The following ATP8A1 variants were observed in gnomAD, a reference collection of about 807,000 sequenced individuals.
The protein encoded by ATP8A1 is phospholipid-transporting ATPase IA.
In ATP8A1, 90 loss-of-function variants were observed where a neutral mutation model predicts 177.7. The observed-to-expected ratio is 0.51, with a 90% confidence interval of 0.43 to 0.60. ATP8A1 has a LOEUF of 0.60. Ranked by LOEUF, ATP8A1 falls within the 20% of genes least tolerant of loss-of-function variation. ATP8A1 has a pLI of 0.00. For synonymous variants in ATP8A1, 493 were observed against 485.9 expected (o/e 1.01, Z -0.19); for missense variants, 1,072 against 1,392.8 (o/e 0.77, Z 3.67).
At chr4:42,473,313 A>G (rs778261458) in intron 25 of ATP8A1, among the ~76,000 whole-genome samples, 4 of 152,212 alleles carry the variant, frequency 2.6e-5, no homozygotes, top group Non-Finnish European at 1.5e-5. Flanking sequence ...CGGGAGTTAA[A>G]TATTGACAGC....
chr4:42,655,434 T>C lies in ATP8A1; in HGVS notation c.49+1391A>G, dbSNP rs147568422. Among the ~76,000 whole-genome samples the C allele has an allele frequency of 3.1e-3, 471 of 152,314 alleles. 2 individuals carry two copies. Among genetic ancestry groups the C allele is most frequent in the African/African-American group, 0.011 (449 of 41,560 alleles). On this transcript the variant is annotated intron_variant, in intron 1 of 36. Transcript: ENST00000381668. ...TTTCCCACAATATAGGACCCATCAA[T>C]TGCTATTATTTAAAAGAACACCACC...
chr4:42,625,335 T>C (rs759911399), intron 3 of ATP8A1: 1 of 233,206 alleles, frequency 4.3e-6, no homozygotes, highest in Non-Finnish European at 8.3e-6. Context: ...ACTTTTACTA[T>C]GAAAATTAGC....
rs1045066712 is a variant in ATP8A1 at position 42,581,528 on chromosome 4, G to T, written c.834+93C>A. 3.4e-6 allele frequency: 3 copies of T among 877,156 alleles called. No individual in the cohort carries two copies. The African/African-American group carries it at 5.0e-5, about 15-fold the overall frequency. 54.3% of individuals were successfully genotyped at this position (877,156 alleles called of 1,614,324 possible). A position where few individuals can be genotyped will look rare whatever the true frequency, so the allele number is the denominator to read the frequency against. On this transcript the variant is annotated intron_variant, in intron 10 of 36. Coordinates refer to ENST00000381668, the MANE Select transcript of ATP8A1 (RefSeq NM_006095.2). ...TTGGATCAGGAGTCTGTGACAGATG[G>T]TCTCCTATGTTTGGGACCACTGCAC...
chr4:42,472,301 A>C (rs535178001), intron 25 of ATP8A1: 1 of 522,826 alleles, frequency 1.9e-6, no homozygotes, highest in Admixed American at 2.1e-5. Context: ...ATGGAAAGCA[A>C]GGCTGAAACT....
rs748747364 is a variant in ATP8A1, at chr4:42,579,955, C to G, written c.858G>C (p.Lys286Asn). 1 of 1,606,794 alleles carries G rather than the reference C, an allele frequency of 6.2e-7. No homozygotes were observed. Among genetic ancestry groups the G allele is most frequent in the Non-Finnish European group, 8.5e-7 (1 of 1,176,676 alleles). The change falls in exon 11 of 37, where the codon AAG becomes AAC. Residue 286 changes from lysine to asparagine, a missense_variant. Around this residue, in one of 5 missense-constraint regions of ATP8A1, gnomAD observed 344 missense variants for 393.5 expected, o/e 0.87. Coordinates refer to ENST00000381668, the MANE Select transcript of ATP8A1 (RefSeq NM_006095.2). Reference sequence around the variant, plus strand: ...TTGTAATCCGTTCCACATTTGAGAGCTTAAGTGGTGGACTTGTTGAATTCT... The same window carrying G: ...TTGTAATCCGTTCCACATTTGAGAGGTTAAGTGGTGGACTTGTTGAATTCT... ...LMQNSTSPPLKLSNVERITNV... is the reference protein window; with the variant it reads ...LMQNSTSPPLNLSNVERITNV...
chr4:42,520,547 G>A lies in ATP8A1; in HGVS notation c.1947+1613C>T, dbSNP rs535453013. ...ATAAATATGTTAGGAAATGGAGAGC[G>A]AGAAGGTGGAGGGAGTGGGGAGGGA... On this transcript the variant is annotated intron_variant, in intron 22 of 36. Transcript: ENST00000381668. 4.6e-5 allele frequency among the ~76,000 whole-genome samples: 7 copies of A among 152,180 alleles called. No homozygotes were observed. In the South Asian group the frequency reaches 1.2e-3, roughly 27 times the overall value.
At chr4:42,591,555 G>A (rs1734181671) in intron 6 of ATP8A1, among the ~76,000 whole-genome samples, 1 of 152,082 alleles carries the variant, frequency 6.6e-6, no homozygotes, top group South Asian at 2.1e-4. Context: ...TCTAGAGAAT[G>A]CATTGTTTTG....
At chr4:42,574,506 T>TA (rs1459837842) in intron 14 of ATP8A1, 113 bp downstream of exon 14, 83 of 803,610 alleles carry the variant, frequency 1.0e-4, no homozygotes, top group Non-Finnish European at 1.3e-4. Flanking sequence ...CTTTTCAGAC[T>TA]AAAAAAAACC....
intron 24 of ATP8A1, 128 bp from the exon 25 acceptor site, chr4:42,485,796 C>T: frequency 1.3e-6 from 1 of 763,920 alleles, no homozygotes; most frequent in Non-Finnish European, 2.1e-6. Context: ...ATTGCTTTCA[C>T]ATACTTTCAG....
intron 7 of ATP8A1, among the ~76,000 whole-genome samples, chr4:42,589,950 A>G (rs1190868187): frequency 6.6e-6 from 1 of 152,160 alleles, no homozygotes; most frequent in Non-Finnish European, 1.5e-5. Context: ...GGGGTAATAA[A>G]ATAAGCATCG....
chr4:42,438,888 G>A (rs1445989252), intron 33 of ATP8A1, among the ~76,000 whole-genome samples: 1 of 152,134 alleles, frequency 6.6e-6, no homozygotes, highest in African/African-American at 2.4e-5. Context: ...AAAACAAGGA[G>A]TATCTGGCAT....
chr4:42,486,998 C>T (rs1722262807), intron 24 of ATP8A1, among the ~76,000 whole-genome samples: 1 of 152,168 alleles, frequency 6.6e-6, no homozygotes, highest in South Asian at 2.1e-4. Flanking sequence ...AAATAATTTA[C>T]AGGCATTCTT....
At chr4:42,544,082 A>G (rs1728660691) in intron 19 of ATP8A1, 96 bp from the exon 20 acceptor site, 6 of 1,031,442 alleles carry the variant, frequency 5.8e-6, no homozygotes, top group Non-Finnish European at 8.8e-6. Context: ...CACAGTAAAA[A>G]AATAAATCTG....
Position 42,419,731 on chromosome 4 carries a change from C to A in ATP8A1, c.3305+3076G>T, listed in dbSNP as rs185183182. 5.9e-5 allele frequency among the ~76,000 whole-genome samples: 9 copies of A among 152,342 alleles called. No individual in the cohort carries two copies. In the East Asian group the frequency reaches 1.5e-3, roughly 26 times the overall value. ...AAATTTGCTAAGTTTTGGCTGGGTG[C>A]AGTGGCCCACGCCTGTAATCCCAGC... On this transcript the variant is annotated intron_variant, in intron 35 of 36. Coordinates refer to ENST00000381668, the MANE Select transcript of ATP8A1 (RefSeq NM_006095.2).
Position 42,575,687 on chromosome 4 carries a change from G to A in ATP8A1, c.1141C>T (p.His381Tyr). The A allele has an allele frequency of 1.2e-6, 2 of 1,612,986 alleles. No homozygotes were observed. The highest frequency in any genetic ancestry group is 1.7e-6 in the Non-Finnish European group (2 of 1,179,276). ...GCAGCAGTGTCTGTGGGTTCATAGT[G>A]CATGTCAAGATCCTTTAATAAAATT... ...AYFINWDLDMHYEPTDTAAMA... is the reference protein window; with the variant it reads ...AYFINWDLDMYYEPTDTAAMA... The change falls in exon 13 of 37, where the codon CAC becomes TAC. Residue 381 changes from histidine to tyrosine, a missense_variant. By Grantham distance (83) the His-to-Tyr change is moderately conservative (BLOSUM62 2). This residue lies in a region of ATP8A1 where 388 missense variants were observed against 471.7 expected (regional missense o/e 0.82). Transcript: ENST00000381668.
chr4:42,639,342 G>C (rs1188299568), intron 1 of ATP8A1, among the ~76,000 whole-genome samples: 1 of 152,088 alleles, frequency 6.6e-6, no homozygotes, highest in African/African-American at 2.4e-5. Context: ...GAGACCACTC[G>C]ATTTTTCCCC....
In ATP8A1 at chr4:42,575,619, T is replaced by A; in HGVS notation, c.1206+3A>T. 6.2e-7 allele frequency: 1 copy of A among 1,612,888 alleles called. No individual in the cohort carries two copies. Among genetic ancestry groups the A allele is most frequent in the Non-Finnish European group, 8.5e-7 (1 of 1,179,118 alleles). Reference sequence around the variant, plus strand: ...CACATAATCAACAATAAATTGAGTTTACCTGGCCAAGTTCCTCATTCAGAT... The same window carrying A: ...CACATAATCAACAATAAATTGAGTTAACCTGGCCAAGTTCCTCATTCAGAT... On this transcript the variant is annotated splice_donor_region_variant and intron_variant, in intron 13 of 36. Coordinates refer to ENST00000381668, the MANE Select transcript of ATP8A1 (RefSeq NM_006095.2).
chr4:42,413,669 C>T (rs566229926), intron 36 of ATP8A1, among the ~76,000 whole-genome samples: 39 of 152,268 alleles, frequency 2.6e-4, no homozygotes, highest in Middle Eastern at 3.4e-3. Flanking sequence ...TGTAGTATTT[C>T]GTCCATGGCA....
chr4:42,568,655 T>C (rs1441035068), intron 15 of ATP8A1, among the ~76,000 whole-genome samples: 4 of 152,238 alleles, frequency 2.6e-5, no homozygotes, highest in Non-Finnish European at 5.9e-5. Flanking sequence ...AGCATAGTTT[T>C]CTAACATTTG....
Sources: allele counts gnomAD v4.1 joint callset (sites outside exome capture counted in the v4.1 genomes callset), GRCh38; gene constraint gnomAD v4.1.1; regional missense constraint gnomAD v4.1.1; transcripts MANE v1.5; gene names NCBI Gene and HGNC (gene_info 2026-07-23, HGNC 2026-07-21).